Variants in FSIP1 observed in about 807,000 individuals in gnomAD.
FSIP1 encodes fibrous sheath-interacting protein 1.
In FSIP1, 65 loss-of-function variants were observed where a neutral mutation model predicts 60.9. That is an observed-to-expected ratio of 1.07 (90% CI 0.87 to 1.31). FSIP1 has a LOEUF of 1.31. FSIP1 is among the 40% of genes most tolerant of loss of function. The probability of loss-of-function intolerance (pLI) is 0.00; values close to 1 mark genes in which losing one functional copy is unlikely to be tolerated. For synonymous variants in FSIP1, 209 were observed against 221.2 expected, an observed-to-expected ratio of 0.94 and a Z score of 0.49; for missense variants, 675 against 665.5, an observed-to-expected ratio of 1.01 and a Z score of -0.16.
chr15:39,674,112 T>G (rs1036083678), intron 10 of FSIP1, among the ~76,000 whole-genome samples: 49 of 151,776 alleles, frequency 3.2e-4, no homozygotes, highest in African/African-American at 1.0e-3. Flanking sequence ...TGGAGTGCAG[T>G]GGCGCGATCT....
chr15:39,731,405 C>T (rs1397429967), intron 8 of FSIP1, among the ~76,000 whole-genome samples: 1 of 151,894 alleles, frequency 6.6e-6, no homozygotes. Flanking sequence ...TACCATATAG[C>T]CTAAATGATA....
At chr15:39,694,734 A>T (rs1894743534) in intron 10 of FSIP1, among the ~76,000 whole-genome samples, 2 of 152,034 alleles carry the variant, frequency 1.3e-5, no homozygotes, top group Non-Finnish European at 2.9e-5. Flanking sequence ...TGGGAGGTGG[A>T]GGTTGCAGTG....
intron 10 of FSIP1, among the ~76,000 whole-genome samples, chr15:39,679,540 T>C (rs1894077970): frequency 6.6e-6 from 1 of 152,140 alleles, no homozygotes; most frequent in Non-Finnish European, 1.5e-5. Flanking sequence ...AGCTTGAGGT[T>C]ACAGTGAGCT....
At chr15:39,757,036 T>A (rs1350390965) in intron 5 of FSIP1, among the ~76,000 whole-genome samples, 1 of 152,128 alleles carries the variant, frequency 6.6e-6, no homozygotes, top group Non-Finnish European at 1.5e-5. Flanking sequence ...GCTTTAAGGC[T>A]TTTTAAAGTA....
At position 39,710,558 on chromosome 15, in the gene FSIP1, T is replaced by G. The variant is rs1425612463; in HGVS notation, c.1188+2886A>C. ...AAAACACAAAACTATGAAAATTAAA[T>G]TTGTATAGGGGAACCCAAACATTTT... On this transcript the variant is annotated intron_variant, in intron 10 of 11. Transcript: ENST00000350221. 2.0e-5 allele frequency among the ~76,000 whole-genome samples: 3 copies of G among 152,198 alleles called. No individual in the cohort carries two copies. The East Asian group carries it at 5.8e-4, about 29-fold the overall frequency.
At chr15:39,608,468 C>G (rs1219179214) in intron 11 of FSIP1, among the ~76,000 whole-genome samples, 1 of 152,190 alleles carries the variant, frequency 6.6e-6, no homozygotes, top group Admixed American at 6.5e-5. Flanking sequence ...ATCCCATACA[C>G]AAGAAATGAT....
intron 10 of FSIP1, among the ~76,000 whole-genome samples, chr15:39,692,266 G>C (rs911046883): frequency 2.0e-5 from 3 of 152,100 alleles, no homozygotes; most frequent in Non-Finnish European, 4.4e-5. Context: ...CACCTGGAGG[G>C]CTACTTAAAT....
chr15:39,610,361 C>A (rs1890982946), intron 11 of FSIP1, among the ~76,000 whole-genome samples: 2 of 152,074 alleles, frequency 1.3e-5, no homozygotes, highest in South Asian at 4.1e-4. Flanking sequence ...GATGAGTGCA[C>A]CAAGACAAAT....
intron 10 of FSIP1, among the ~76,000 whole-genome samples, chr15:39,686,398 T>TA (rs1477835156): frequency 2.0e-5 from 3 of 152,280 alleles, no homozygotes; most frequent in Non-Finnish European, 4.4e-5. Flanking sequence ...TTTCTACATC[T>TA]AAGGCTTTGG....
chr15:39,741,290 G>A (rs1566909574), intron 6 of FSIP1, among the ~76,000 whole-genome samples: 1 of 152,200 alleles, frequency 6.6e-6, no homozygotes, highest in Non-Finnish European at 1.5e-5. Context: ...TGTCTTCACT[G>A]GAAATGTCCT....
At chr15:39,701,868 G>T (rs1468264974) in intron 10 of FSIP1, among the ~76,000 whole-genome samples, 1 of 152,130 alleles carries the variant, frequency 6.6e-6, no homozygotes, top group Non-Finnish European at 1.5e-5. Flanking sequence ...AGGCCCTTCA[G>T]TTTTATTTGT....
At chr15:39,754,681 T>C (rs1254478942) in intron 5 of FSIP1, among the ~76,000 whole-genome samples, 1 of 151,946 alleles carries the variant, frequency 6.6e-6, no homozygotes, top group African/African-American at 2.4e-5. Flanking sequence ...AGGTGGGTGA[T>C]GAAACCATTA....
intron 5 of FSIP1, among the ~76,000 whole-genome samples, chr15:39,754,598 C>T (rs1054266019): frequency 6.6e-6 from 1 of 151,464 alleles, no homozygotes; most frequent in East Asian, 1.9e-4. Context: ...ATTTGGGGAA[C>T]TCAAGGAAGA....
intron 10 of FSIP1, among the ~76,000 whole-genome samples, chr15:39,646,305 C>T (rs934449329): frequency 1.3e-5 from 2 of 151,936 alleles, no homozygotes; most frequent in African/African-American, 4.8e-5. Flanking sequence ...CTTCACTTGT[C>T]TGTGTACCTC....
intron 10 of FSIP1, among the ~76,000 whole-genome samples, chr15:39,684,187 T>C (rs1003072333): frequency 2.0e-5 from 3 of 152,176 alleles, no homozygotes; most frequent in African/African-American, 7.2e-5. Context: ...GATTTTAAAA[T>C]TTAATATAAA....
At chr15:39,779,436 A>C (rs1898174135) in intron 1 of FSIP1, among the ~76,000 whole-genome samples, 1 of 152,186 alleles carries the variant, frequency 6.6e-6, no homozygotes, top group Admixed American at 6.5e-5. Flanking sequence ...TTTATAACTA[A>C]AGAATTCATT....
chr15:39,632,800 T>A (rs909451957), intron 10 of FSIP1, among the ~76,000 whole-genome samples: 3 of 151,832 alleles, frequency 2.0e-5, no homozygotes, highest in Non-Finnish European at 1.5e-5. Context: ...CAAAAAAAAA[T>A]AAATAAATAA....
At chr15:39,743,573 T>C (rs1268106137) in intron 5 of FSIP1, among the ~76,000 whole-genome samples, 1 of 152,140 alleles carries the variant, frequency 6.6e-6, no homozygotes, top group Non-Finnish European at 1.5e-5. Context: ...GTATCACCAA[T>C]GAACGATAAA....
Position 39,754,290 on chromosome 15 carries a change from C to A in FSIP1, c.559+9531G>T, listed in dbSNP as rs1469089907. On this transcript the variant is annotated intron_variant, in intron 5 of 11. Coordinates refer to ENST00000350221, the MANE Select transcript of FSIP1 (RefSeq NM_152597.5). ...TTTCAAATGACTGTAGCCCCGGCAA[C>A]CATTTGACAGGAGGGATCTTGAGTC... Among the ~76,000 whole-genome samples the A allele has an allele frequency of 3.3e-5, 5 of 152,144 alleles. No individual in the cohort carries two copies. The East Asian group carries it at 9.6e-4, about 29-fold the overall frequency.
Sources: allele counts gnomAD v4.1 joint callset (sites outside exome capture counted in the v4.1 genomes callset), GRCh38; gene constraint gnomAD v4.1.1; transcripts MANE v1.5; gene names NCBI Gene and HGNC (gene_info 2026-07-23, HGNC 2026-07-21).